MYO18B: variants seen among roughly 807,000 people sequenced by gnomAD.
The protein encoded by MYO18B is myosin XVIIIB.
Under a neutral mutation model 273.0 loss-of-function variants are expected in MYO18B, and 204 were observed. The ratio of observed to expected loss-of-function variants is 0.75; its 90% CI spans 0.67 to 0.84. The LOEUF (loss-of-function observed/expected upper bound fraction) is 0.84, where lower values mean the gene tolerates loss of function less well. MYO18B is among the 40% of genes least tolerant of loss of function. The pLI, the probability that MYO18B is intolerant of heterozygous loss-of-function variation, is 0.00. For missense variants in MYO18B, 3,212 were observed against 3,287.6 expected, an observed-to-expected ratio of 0.98 and a Z score of 0.56; for synonymous variants, 1,330 against 1,305.7, an observed-to-expected ratio of 1.02 and a Z score of -0.40.
chr22:26,034,076 C>T (rs1936729838), downstream of MYO18B, among the ~76,000 whole-genome samples: 1 of 152,246 alleles, frequency 6.6e-6, no homozygotes, highest in South Asian at 2.1e-4. Flanking sequence ...CCTTAGCCTT[C>T]GTAGTAGCTG....
downstream of MYO18B, among the ~76,000 whole-genome samples, chr22:26,033,665 A>G (rs914384714): frequency 6.6e-6 from 1 of 152,000 alleles, no homozygotes; most frequent in Non-Finnish European, 1.5e-5. Context: ...CCCCCAACCC[A>G]ACACAGCCTG....
intron 33 of MYO18B, among the ~76,000 whole-genome samples, chr22:25,913,012 G>T (rs1398024416): frequency 6.6e-6 from 1 of 152,156 alleles, no homozygotes; most frequent in South Asian, 2.1e-4. Context: ...TTGGTGGGTA[G>T]TTAGTTACTT....
rs9608426 is a variant in MYO18B at position 25,903,299 on chromosome 22, G to A, written c.4948-332G>A. 1,980 of 267,358 alleles carry A rather than the reference G, an allele frequency of 7.4e-3. 10 individuals are homozygous for A. The highest frequency in any genetic ancestry group is 0.011 in the Non-Finnish European group (1,609 of 140,190). The allele number at this position is 267,358 out of a possible 1,614,324, so 16.6% of individuals were successfully genotyped here. A position where few individuals can be genotyped will look rare whatever the true frequency, so the allele number is the denominator to read the frequency against. The stretch of plus-strand genomic sequence containing the variant: ...CAACATCTCAATCCCAGCCTCAGAC[G>A]GCACACAGGGAAGCTTTAGCTGTGT... On this transcript the variant is annotated intron_variant, in intron 30 of 43. Coordinates refer to ENST00000335473, the MANE Select transcript of MYO18B (RefSeq NM_032608.7).
chr22:25,786,322 G>C (rs1371864053), intron 11 of MYO18B, among the ~76,000 whole-genome samples: 1 of 152,138 alleles, frequency 6.6e-6, no homozygotes, highest in Non-Finnish European at 1.5e-5. Context: ...AGAGCTACTT[G>C]GACTTTGCCA....
chr22:25,938,221 T>C (rs2092604248), intron 34 of MYO18B, among the ~76,000 whole-genome samples: 1 of 152,254 alleles, frequency 6.6e-6, no homozygotes, highest in South Asian at 2.1e-4. Flanking sequence ...TCAACTCATC[T>C]AGTAGCTTAA....
chr22:25,938,013 G>A (rs1384391431), intron 34 of MYO18B, among the ~76,000 whole-genome samples: 1 of 152,186 alleles, frequency 6.6e-6, no homozygotes, highest in Non-Finnish European at 1.5e-5. Context: ...TACCCTGATG[G>A]GATGTCAAGG....
the MYO18B span, among the ~76,000 whole-genome samples, chr22:26,054,518 T>C: frequency 6.6e-6 from 1 of 152,194 alleles, no homozygotes; most frequent in South Asian, 2.1e-4. Context: ...GAACCTGGGA[T>C]CATTCAGGCT....
intron 1 of MYO18B, among the ~76,000 whole-genome samples, chr22:25,743,333 T>C (rs1416990161): frequency 6.6e-6 from 1 of 152,246 alleles, no homozygotes; most frequent in African/African-American, 2.4e-5. Flanking sequence ...CTGTATCCAT[T>C]GCTGACCTAA....
chr22:25,927,549 C>T (rs1245560358), intron 34 of MYO18B, among the ~76,000 whole-genome samples: 1 of 152,198 alleles, frequency 6.6e-6, no homozygotes, highest in East Asian at 1.9e-4. Flanking sequence ...ACTTCATTAG[C>T]AATTTTAATT....
intron 20 of MYO18B, among the ~76,000 whole-genome samples, chr22:25,850,017 G>C (rs1278565752): frequency 1.3e-5 from 2 of 152,174 alleles, no homozygotes; most frequent in African/African-American, 4.8e-5. Context: ...GACGGGACAT[G>C]AATGCAGATA....
chr22:25,839,272 A>ATG (rs1336708068), intron 17 of MYO18B, among the ~76,000 whole-genome samples: 1 of 151,998 alleles, frequency 6.6e-6, no homozygotes, highest in African/African-American at 2.4e-5. Flanking sequence ...ATGTGTGTAT[A>ATG]TGTGTGTGTG....
intron 13 of MYO18B, among the ~76,000 whole-genome samples, chr22:25,824,968 GCA>G (rs891911667): frequency 4.0e-5 from 6 of 151,888 alleles, no homozygotes; most frequent in Non-Finnish European, 7.4e-5. Flanking sequence ...AGCATACACA[GCA>G]CACACACAGA....
Position 25,847,541 on chromosome 22 carries a change from C to G in MYO18B, c.3664C>G (p.Pro1222Ala), listed in dbSNP as rs1409086214. The change falls in exon 20 of 44, where the codon CCT becomes GCT. Residue 1222 changes from proline (P) to alanine (A), a missense_variant. Pro to Ala is a conservative substitution (Grantham distance 27, BLOSUM62 -1). Transcript: ENST00000335473. ...SGQESPPPPQ[P>A]GRDKPGAGGP... The stretch of plus-strand genomic sequence containing the variant: ...GCAGGAATCTCCACCACCACCGCAG[C>G]CTGGTAGAGACAAGCCTGGGGCAGG... 1.3e-6 allele frequency: 2 copies of G among 1,573,010 alleles called. No homozygotes were observed. The highest frequency in any genetic ancestry group is 2.4e-5 in the East Asian group (1 of 42,430).
chr22:25,764,320 G>A (rs1036173904), intron 3 of MYO18B, among the ~76,000 whole-genome samples: 2 of 152,206 alleles, frequency 1.3e-5, no homozygotes, highest in African/African-American at 4.8e-5. Context: ...AGGATGACAA[G>A]GTGGACCATG....
intron 6 of MYO18B, 83 bp from the exon 7 acceptor site, chr22:25,772,251 T>G: frequency 1.6e-5 from 20 of 1,252,898 alleles, no homozygotes; most frequent in Non-Finnish European, 2.2e-5. Context: ...GCTTAGTGTG[T>G]GTTTGGTTGC....
chr22:25,779,364 A>G (rs2087044505), intron 8 of MYO18B, among the ~76,000 whole-genome samples: 1 of 152,182 alleles, frequency 6.6e-6, no homozygotes, highest in Non-Finnish European at 1.5e-5. Context: ...TTAACTAGTT[A>G]ATTAATTTGC....
chr22:25,776,716 A>G (rs1287386861), intron 7 of MYO18B, among the ~76,000 whole-genome samples: 1 of 152,268 alleles, frequency 6.6e-6, no homozygotes, highest in African/African-American at 2.4e-5. Context: ...TATAGTCAAT[A>G]TAACCAATGA....
intron 34 of MYO18B, among the ~76,000 whole-genome samples, chr22:25,932,411 C>A (rs13055710): frequency 1.2e-5 from 1 of 81,466 alleles, no homozygotes; most frequent in South Asian, 3.6e-4. Context: ...TCTTTTCTTT[C>A]TTTTTTTTTT....
At chr22:25,996,343 A>G (rs1324957292) in intron 40 of MYO18B, among the ~76,000 whole-genome samples, 1 of 152,176 alleles carries the variant, frequency 6.6e-6, no homozygotes, top group African/African-American at 2.4e-5. Flanking sequence ...TGCGTGCGAG[A>G]TGCTGTGTTA....
Sources: allele counts gnomAD v4.1 joint callset (sites outside exome capture counted in the v4.1 genomes callset), GRCh38; gene constraint gnomAD v4.1.1; transcripts MANE v1.5; gene names NCBI Gene and HGNC (gene_info 2026-07-23, HGNC 2026-07-21).